The following ACR variants were observed in gnomAD, a reference collection of about 807,000 sequenced individuals.
The protein encoded by ACR is acrosin.
Under a neutral mutation model 26.0 loss-of-function variants are expected in ACR, and 17 were observed. The observed-to-expected ratio is 0.65, with a 90% CI of 0.45 to 0.98. ACR has a LOEUF of 0.98. Among genes scored for constraint, ACR ranks in the 50% least tolerant of loss-of-function variants. The probability of loss-of-function intolerance (pLI) is 0.00; values close to 1 mark genes in which losing one functional copy is unlikely to be tolerated. For synonymous variants in ACR, 199 were observed against 207.7 expected (o/e 0.96, Z 0.36); for missense variants, 435 against 519.3 (o/e 0.84, Z 1.58).
At chr22:50,744,017 C>T in intron 3 of ACR, 44 bp from the exon 4 acceptor site, 1 of 1,400,890 alleles carries the variant, frequency 7.1e-7, no homozygotes, top group Non-Finnish European at 1.0e-6. Flanking sequence ...GGGCTTTTGT[C>T]CGTGTCTCCC....
intron 3 of ACR, among the ~76,000 whole-genome samples, chr22:50,742,785 C>G (rs1232688227): frequency 6.6e-6 from 1 of 152,200 alleles, no homozygotes; most frequent in Non-Finnish European, 1.5e-5. Context: ...TCGTGTGTCC[C>G]CTGTCTCCCG....
In ACR at chr22:50,744,121, G is replaced by A; in HGVS notation, c.626G>A (p.Cys209Tyr). 6.2e-7 allele frequency: 1 copy of A among 1,608,858 alleles called. No homozygotes were observed. Among genetic ancestry groups the A allele is most frequent in the Non-Finnish European group, 8.5e-7 (1 of 1,177,812 alleles). Residue 209 changes from cysteine to tyrosine, a missense_variant, in exon 4 of 5, where the codon TGT becomes TAT. Physicochemically the swap from Cys to Tyr is radical, Grantham distance 194 (BLOSUM62 -2). Around this residue, in one of 3 missense-constraint regions of ACR, gnomAD observed 314 missense variants for 372.0 expected, o/e 0.84. Transcript: ENST00000216139. ...ARVDLIDLDL[C>Y]NSTQWYNGRV... The stretch of plus-strand genomic sequence containing the variant: ...GTGGATCTCATCGACCTGGACTTGT[G>A]TAACTCGACCCAGTGGTACAATGGG...
rs780466256 is a variant in ACR at position 50,739,388 on chromosome 22, C to T, written c.195C>T (p.Tyr65=). The T allele has an allele frequency of 6.2e-7, 1 of 1,614,092 alleles. No homozygotes were observed. The highest frequency in any genetic ancestry group is 8.5e-7 in the Non-Finnish European group (1 of 1,180,012). Reference sequence around the variant, plus strand: ...TGGTCAGCCTCCAGATCTTCACGTACAACAGCCACAGGTACCACACATGTG... The same window carrying T: ...TGGTCAGCCTCCAGATCTTCACGTATAACAGCCACAGGTACCACACATGTG... ...PWMVSLQIFT[Y]NSHRYHTCGG... Residue 65 remains tyrosine, a synonymous_variant, in exon 2 of 5, where the codon TAC becomes TAT. Coordinates refer to ENST00000216139, the MANE Select transcript of ACR (RefSeq NM_001097.3). This position sits in a 1 kb window ranked among gnomAD's most constrained non-coding sequence, Gnocchi z 5.5.
chr22:50,738,842 C>T (rs2083410711), intron 1 of ACR, among the ~76,000 whole-genome samples: 1 of 152,036 alleles, frequency 6.6e-6, no homozygotes, highest in Non-Finnish European at 1.5e-5. Context: ...TGGCTGCTAT[C>T]CCTCCTCCCA....
chr22:50,738,339 G>A (rs765266010), intron 1 of ACR, 27 bp downstream of exon 1: 30 of 1,610,366 alleles, frequency 1.9e-5, no homozygotes, highest in East Asian at 1.8e-4. Context: ...CTTGGTGGGG[G>A]AAGGATCTTC....
chr22:50,742,156 G>A (rs2083427190), intron 3 of ACR, among the ~76,000 whole-genome samples: 1 of 152,004 alleles, frequency 6.6e-6, no homozygotes, highest in African/African-American at 2.4e-5. Context: ...CCGCCAAGGT[G>A]TTGGGATTTA....
chr22:50,743,847 C>G (rs2083437473), intron 3 of ACR, among the ~76,000 whole-genome samples: 1 of 152,186 alleles, frequency 6.6e-6, no homozygotes, highest in Non-Finnish European at 1.5e-5. Flanking sequence ...CTCTCTTCCT[C>G]TCTCCTCTGG....
At chr22:50,744,503 A>T in intron 4 of ACR, 150 bp from the exon 5 acceptor site, 1 of 1,226,298 alleles carries the variant, frequency 8.2e-7, no homozygotes, top group South Asian at 1.6e-5. Context: ...GAAGCCCCTG[A>T]CACCCCCTCA....
intron 1 of ACR, among the ~76,000 whole-genome samples, chr22:50,738,955 G>A (rs758481301): frequency 1.1e-4 from 17 of 151,912 alleles, no homozygotes; most frequent in Non-Finnish European, 1.6e-4. Flanking sequence ...CCCAGGCCCC[G>A]CATCCCCACC....
chr22:50,740,889 C>T lies in ACR; in HGVS notation c.565+912C>T, dbSNP rs1166908236. ...CTCCGTGGTCAGAGACGCCCAGACA[C>T]CTCTCCCTACATACTTAGGCACACT... On this transcript the variant is annotated intron_variant, in intron 3 of 4. Coordinates refer to ENST00000216139, the MANE Select transcript of ACR (RefSeq NM_001097.3). The T allele has an allele frequency of 8.5e-6, 5 of 590,300 alleles. No homozygotes were observed. The Admixed American group carries it at 1.4e-4, about 17-fold the overall frequency. 36.6% of individuals were successfully genotyped at this position (590,300 alleles called of 1,614,324 possible).
Position 50,739,823 on chromosome 22 carries a change from G to A in ACR, c.411G>A (p.Ala137=), listed in dbSNP as rs1425681470. ...KIIIHEKYNS[A]TEGNDIALVE... The stretch of plus-strand genomic sequence containing the variant: ...TCATTCATGAAAAATACAACTCTGC[G>A]ACAGAGGGAAATGACATTGCCCTCG... Residue 137 remains alanine, a synonymous_variant, in exon 3 of 5, where the codon GCG becomes GCA. Transcript: ENST00000216139. This position sits in a 1 kb window ranked among gnomAD's most constrained non-coding sequence, Gnocchi z 5.5. 7 of 1,611,102 alleles carry A rather than the reference G, an allele frequency of 4.3e-6. No homozygotes were observed. The highest frequency in any genetic ancestry group is 2.7e-5 in the African/African-American group (2 of 74,776).
At chr22:50,743,678 C>A (rs1042505264) in intron 3 of ACR, among the ~76,000 whole-genome samples, 1 of 152,122 alleles carries the variant, frequency 6.6e-6, no homozygotes, top group Non-Finnish European at 1.5e-5. Flanking sequence ...GGTGCTCCAG[C>A]CTTCTGATCC....
Position 50,744,651 on chromosome 22 carries a change from A to G in ACR, c.712-2A>G, listed in dbSNP as rs760400398. The G allele has an allele frequency of 1.2e-6, 2 of 1,612,056 alleles. No individual in the cohort carries two copies. Among genetic ancestry groups the G allele is most frequent in the Non-Finnish European group, 8.5e-7 (1 of 1,179,160 alleles). On this transcript the variant is annotated splice_acceptor_variant, in intron 4 of 4. Coordinates refer to ENST00000216139, the MANE Select transcript of ACR (RefSeq NM_001097.3). LOFTEE classifies it high-confidence loss of function. ...TAGTGACCTCTGTGTCCTTCTGGAC[A>G]GGGAGACAGCGGCGGGCCTCTCATG...
rs1194500220 is a variant in ACR at position 50,739,514 on chromosome 22, C to A, written c.281+40C>A. The stretch of plus-strand genomic sequence containing the variant: ...GCACTGAGGGAGGTCTTCAGAACGG[C>A]TCTTCTCAGAGAGGGGCGTTCCCCG... On this transcript the variant is annotated intron_variant, in intron 2 of 4. Transcript: ENST00000216139. The surrounding 1 kb of genome is among the most constrained non-coding windows in gnomAD (Gnocchi z 5.5). 1.2e-6 allele frequency: 2 copies of A among 1,609,808 alleles called. No homozygotes were observed. The highest frequency in any genetic ancestry group is 2.7e-5 in the African/African-American group (2 of 74,862).
At chr22:50,743,331 A>C (rs13056621) in intron 3 of ACR, among the ~76,000 whole-genome samples, 1 of 152,082 alleles carries the variant, frequency 6.6e-6, no homozygotes, top group Non-Finnish European at 1.5e-5. Context: ...CACCGCGCCC[A>C]GCCAAGTCCA....
intron 3 of ACR, among the ~76,000 whole-genome samples, chr22:50,743,800 C>T (rs1458512923): frequency 2.6e-5 from 4 of 152,306 alleles, no homozygotes; most frequent in Non-Finnish European, 5.9e-5. Flanking sequence ...CACACCCACC[C>T]CCCATCCACC....
chr22:50,739,549 T>C lies in ACR; in HGVS notation c.281+75T>C, dbSNP rs2083414837. ...AGAGGGGCGTTCCCCGGGGATGCTG[T>C]GCAGCGTCTCCCTGGGGCTCTGGGC... On this transcript the variant is annotated intron_variant, in intron 2 of 4. Transcript: ENST00000216139. The surrounding 1 kb of genome is among the most constrained non-coding windows in gnomAD (Gnocchi z 5.5). 6.3e-7 allele frequency: 1 copy of C among 1,593,590 alleles called. No individual in the cohort carries two copies. Among genetic ancestry groups the C allele is most frequent in the Non-Finnish European group, 8.6e-7 (1 of 1,165,214 alleles).
chr22:50,741,759 T>TG (rs1430959725), intron 3 of ACR, among the ~76,000 whole-genome samples: 2 of 151,316 alleles, frequency 1.3e-5, no homozygotes, highest in East Asian at 3.9e-4. Context: ...GCTTTGGGGC[T>TG]GGAAGGGTAT....
chr22:50,739,194 G>T lies in ACR; in HGVS notation c.78-77G>T. ...CCACTTTTCCCAACCCCATGTCCCT[G>T]CCTCCCCTCAGTTGTGGAGTTACAA... On this transcript the variant is annotated intron_variant, in intron 1 of 4. Coordinates refer to ENST00000216139, the MANE Select transcript of ACR (RefSeq NM_001097.3). This position sits in a 1 kb window ranked among gnomAD's most constrained non-coding sequence, Gnocchi z 5.5. The T allele has an allele frequency of 7.4e-7, 1 of 1,347,424 alleles. No homozygotes were observed. The highest frequency in any genetic ancestry group is 1.3e-5 in the South Asian group (1 of 77,344). The allele number at this position is 1,347,424 out of a possible 1,614,324, so 83.5% of individuals were successfully genotyped here.
Sources: gnomAD v4.1 joint callset for allele counts (sites outside exome capture counted in the v4.1 genomes callset) on GRCh38, gnomAD v4.1.1 for gene constraint, gnomAD v4.1.1 regional missense constraint, Gnocchi (gnomAD v3.1) non-coding constraint, MANE v1.5 for transcripts, NCBI Gene and HGNC (gene_info 2026-07-23, HGNC 2026-07-21) for gene names.